The following NELL1 variants were observed in gnomAD, a reference collection of about 807,000 sequenced individuals.
NELL1 encodes the protein neural EGFL like 1, also known as protein kinase C-binding protein NELL1.
In NELL1, 76 loss-of-function variants were observed where a neutral mutation model predicts 107.4. That is an observed-to-expected ratio of 0.71 (90% CI 0.59 to 0.86). The LOEUF (loss-of-function observed/expected upper bound fraction) is 0.86. Among genes scored for constraint, NELL1 ranks in the 40% least tolerant of loss-of-function variants. NELL1 has a pLI of 0.00. For synonymous variants in NELL1, 353 were observed against 341.2 expected (o/e 1.03, Z -0.38); for missense variants, 1,024 against 1,005.5 (o/e 1.02, Z -0.25).
At chr11:21,038,037 GA>G (rs1230234818) in intron 12 of NELL1, among the ~76,000 whole-genome samples, 1 of 151,994 alleles carries the variant, frequency 6.6e-6, no homozygotes, top group African/African-American at 2.4e-5. Flanking sequence ...TTAAATTCAG[GA>G]AAAAAATAGA....
chr11:20,795,791 T>C (rs890484696), intron 3 of NELL1, among the ~76,000 whole-genome samples: 1 of 152,002 alleles, frequency 6.6e-6, no homozygotes. Flanking sequence ...CTTTTTTTTT[T>C]AAACAAAATT....
chr11:20,687,838 C>G (rs1854346791), intron 2 of NELL1, among the ~76,000 whole-genome samples: 1 of 152,046 alleles, frequency 6.6e-6, no homozygotes, highest in African/African-American at 2.4e-5. Flanking sequence ...ACTGATCTGT[C>G]CACTTCGGCC....
chr11:21,365,276 G>C (rs186391731), intron 14 of NELL1, among the ~76,000 whole-genome samples: 2 of 152,270 alleles, frequency 1.3e-5, no homozygotes, highest in African/African-American at 4.8e-5. Flanking sequence ...TACATTATCT[G>C]CGCATAGTAG....
intron 12 of NELL1, among the ~76,000 whole-genome samples, chr11:21,083,646 A>G (rs547555935): frequency 1.3e-5 from 2 of 152,304 alleles, no homozygotes; most frequent in South Asian, 4.1e-4. Context: ...AGTTTAAAAA[A>G]TAAACTAGAT....
At chr11:21,145,439 G>C (rs930103343) in intron 13 of NELL1, among the ~76,000 whole-genome samples, 1 of 152,172 alleles carries the variant, frequency 6.6e-6, no homozygotes, top group East Asian at 1.9e-4. Context: ...TTGGTATGTG[G>C]TAGAAGGAAA....
chr11:20,866,233 C>T (rs7124609), intron 4 of NELL1, among the ~76,000 whole-genome samples: 1 of 152,158 alleles, frequency 6.6e-6, no homozygotes. Context: ...ACTCTGCATC[C>T]TCACCTGCTC....
chr11:21,440,932 C>A (rs1853266731), intron 15 of NELL1, among the ~76,000 whole-genome samples: 1 of 152,076 alleles, frequency 6.6e-6, no homozygotes, highest in African/African-American at 2.4e-5. Context: ...AAGACTTTTA[C>A]CTCTAACAAC....
intron 15 of NELL1, among the ~76,000 whole-genome samples, chr11:21,373,082 GA>G (rs1276601291): frequency 1.3e-5 from 2 of 151,934 alleles, no homozygotes; most frequent in African/African-American, 2.4e-5. Context: ...ATCATAAAGG[GA>G]AAAAATACAA....
intron 3 of NELL1, among the ~76,000 whole-genome samples, chr11:20,788,693 A>T (rs553579154): frequency 2.0e-5 from 3 of 151,452 alleles, no homozygotes; most frequent in African/African-American, 7.3e-5. Flanking sequence ...AAATTTGATG[A>T]TGTCCAATTT....
chr11:21,292,771 T>C (rs1328149372), intron 14 of NELL1, among the ~76,000 whole-genome samples: 1 of 151,764 alleles, frequency 6.6e-6, no homozygotes, highest in African/African-American at 2.4e-5. Context: ...TCAGAAATGC[T>C]CATAATGCTA....
intron 15 of NELL1, among the ~76,000 whole-genome samples, chr11:21,525,495 C>A (rs1314971437): frequency 6.6e-6 from 1 of 152,176 alleles, no homozygotes; most frequent in Non-Finnish European, 1.5e-5. Context: ...TTCCTTAAAC[C>A]TTTTAGCAGT....
intron 12 of NELL1, among the ~76,000 whole-genome samples, chr11:21,098,802 C>T (rs1008874170): frequency 1.3e-5 from 2 of 151,986 alleles, no homozygotes; most frequent in Admixed American, 1.3e-4. Context: ...CTTTGCTACC[C>T]TCTACCCTTC....
At chr11:21,095,068 C>G (rs1465692046) in intron 12 of NELL1, among the ~76,000 whole-genome samples, 1 of 152,198 alleles carries the variant, frequency 6.6e-6, no homozygotes, top group Admixed American at 6.5e-5. Flanking sequence ...AGCCAAGTCA[C>G]CTCTTGAATG....
intron 14 of NELL1, among the ~76,000 whole-genome samples, chr11:21,236,718 T>C (rs767344589): frequency 2.0e-5 from 3 of 152,162 alleles, no homozygotes; most frequent in Admixed American, 6.5e-5. Flanking sequence ...ATCTTCTTTA[T>C]TGACCCTTTT....
intron 15 of NELL1, among the ~76,000 whole-genome samples, chr11:21,446,804 G>C (rs1853443753): frequency 6.6e-6 from 1 of 152,148 alleles, no homozygotes; most frequent in Non-Finnish European, 1.5e-5. Context: ...AAAGCCTTGG[G>C]GCTCCACAAT....
At chr11:21,402,820 T>A (rs972604091) in intron 15 of NELL1, among the ~76,000 whole-genome samples, 4 of 151,718 alleles carry the variant, frequency 2.6e-5, no homozygotes, top group Admixed American at 2.6e-4. Context: ...TAGGAGCATA[T>A]GAAGCCTATT....
intron 13 of NELL1, among the ~76,000 whole-genome samples, chr11:21,223,109 A>T (rs1486087858): frequency 6.6e-6 from 1 of 152,080 alleles, no homozygotes; most frequent in Non-Finnish European, 1.5e-5. Flanking sequence ...TTCTGTCTAG[A>T]TGATCTATCT....
At chr11:21,183,129 G>T (rs184953808) in intron 13 of NELL1, among the ~76,000 whole-genome samples, 1 of 151,874 alleles carries the variant, frequency 6.6e-6, no homozygotes, top group South Asian at 2.1e-4. Flanking sequence ...AAATAGAAAA[G>T]TATGTTCAAG....
At chr11:20,670,237 G>T (rs919073379) in intron 1 of NELL1, among the ~76,000 whole-genome samples, 1 of 152,128 alleles carries the variant, frequency 6.6e-6, no homozygotes, top group Non-Finnish European at 1.5e-5. Flanking sequence ...GGGCGCGGCC[G>T]GGGCCCGGGA....
Sources: gnomAD v4.1 joint callset for allele counts (sites outside exome capture counted in the v4.1 genomes callset) on GRCh38, gnomAD v4.1.1 for gene constraint, MANE v1.5 for transcripts, NCBI Gene and HGNC (gene_info 2026-07-23, HGNC 2026-07-21) for gene names.